Variants in ANKRD6 observed in about 807,000 individuals in gnomAD.
The protein encoded by ANKRD6 is ankyrin repeat domain 6, also known as ankyrin repeat domain-containing protein 6.
A neutral mutation model predicts 82.3 loss-of-function variants in ANKRD6; 56 were observed. The ratio of observed to expected loss-of-function variants is 0.68; its 90% CI spans 0.55 to 0.85. ANKRD6 has a LOEUF of 0.85. Among genes scored for constraint, ANKRD6 ranks in the 40% least tolerant of loss-of-function variants. ANKRD6 has a pLI of 0.00. For synonymous variants in ANKRD6, 347 were observed against 352.1 expected (o/e 0.99, Z 0.16); for missense variants, 852 against 907.6 (o/e 0.94, Z 0.79).
chr6:89,442,145 G>C (rs1266202717), intron 1 of ANKRD6, among the ~76,000 whole-genome samples: 1 of 151,934 alleles, frequency 6.6e-6, no homozygotes, highest in South Asian at 2.1e-4. Context: ...ACACGCATGC[G>C]CTCCCACACC....
In ANKRD6 at chr6:89,437,282, G is replaced by T. The variant is rs9451225; in HGVS notation, c.-144+3907G>T. ...CATATCTTTCCCCCACCAGTTACAA[G>T]AGGCTTTCTTTCTGCTCAGACCCCA... On this transcript the variant is annotated intron_variant, in intron 1 of 15. Coordinates refer to ENST00000339746, the MANE Select transcript of ANKRD6 (RefSeq NM_001242809.2). 1.7e-3 allele frequency among the ~76,000 whole-genome samples: 254 copies of T among 152,128 alleles called. 2 individuals carry two copies. Among genetic ancestry groups the T allele is most frequent in the African/African-American group, 5.7e-3 (236 of 41,498 alleles).
intron 1 of ANKRD6, among the ~76,000 whole-genome samples, chr6:89,546,466 TTGATC>T (rs1785110207): frequency 6.6e-6 from 1 of 151,938 alleles, no homozygotes; most frequent in Non-Finnish European, 1.5e-5. Context: ...GATTGATCGA[TTGATC>T]GATTGATTTT....
chr6:89,608,382 A>ATATATATATATATATATATG (rs1181597705), intron 5 of ANKRD6, among the ~76,000 whole-genome samples: 1 of 104,728 alleles, frequency 9.5e-6, no homozygotes, highest in African/African-American at 4.4e-5. Flanking sequence ...ATATATATAT[A>ATATATATATATATATATATG]TATGTACAAT....
At chr6:89,581,495 C>G (rs1450190484) in intron 2 of ANKRD6, 3 of 152,458 alleles carry the variant, frequency 2.0e-5, no homozygotes, top group African/African-American at 7.2e-5. Flanking sequence ...TGCTGCCTCT[C>G]CTGGCCCTTC....
At chr6:89,594,165 C>T (rs1033506079) in intron 2 of ANKRD6, among the ~76,000 whole-genome samples, 19 of 152,274 alleles carry the variant, frequency 1.2e-4, no homozygotes, top group African/African-American at 4.3e-4. Context: ...TAGTTGAAAA[C>T]TATTAGGCCA....
rs1562490939 is a variant in ANKRD6 at position 89,433,870 on chromosome 6, G to C, written c.-144+495G>C. 6.6e-6 allele frequency among the ~76,000 whole-genome samples: 1 copy of C among 152,232 alleles called. No individual in the cohort carries two copies. The highest frequency in any genetic ancestry group is 1.5e-5 in the Non-Finnish European group (1 of 68,040). On this transcript the variant is annotated intron_variant, in intron 1 of 15. Coordinates refer to ENST00000339746, the MANE Select transcript of ANKRD6 (RefSeq NM_001242809.2). This position sits in a 1 kb window ranked among gnomAD's most constrained non-coding sequence, Gnocchi z 4.3. Reference sequence around the variant, plus strand: ...GCCGATACCCCTCAGGAGCCCCATCGGCGAAGCCTCAGCAAGTGGCATCTC... The same window carrying C: ...GCCGATACCCCTCAGGAGCCCCATCCGCGAAGCCTCAGCAAGTGGCATCTC...
chr6:89,455,295 G>A (rs1773368862), intron 1 of ANKRD6, among the ~76,000 whole-genome samples: 1 of 152,110 alleles, frequency 6.6e-6, no homozygotes, highest in Non-Finnish European at 1.5e-5. Context: ...AGGAAGCATG[G>A]TGCTGGCATC....
At chr6:89,565,706 A>C (rs1346316486) in intron 1 of ANKRD6, among the ~76,000 whole-genome samples, 2 of 152,218 alleles carry the variant, frequency 1.3e-5, no homozygotes, top group Non-Finnish European at 2.9e-5. Context: ...CTGGGAACAA[A>C]TGTAAAGGAT....
chr6:89,601,152 T>A (rs186961520), intron 3 of ANKRD6, among the ~76,000 whole-genome samples: 10 of 152,292 alleles, frequency 6.6e-5, no homozygotes, highest in African/African-American at 1.9e-4. Context: ...ACAGCCTACC[T>A]CCTGCAGCCA....
At chr6:89,442,019 G>A (rs143493835) in intron 1 of ANKRD6, among the ~76,000 whole-genome samples, 2 of 151,284 alleles carry the variant, frequency 1.3e-5, no homozygotes, top group East Asian at 3.9e-4. Flanking sequence ...ATTTTTTTGA[G>A]ACAGGGTCTC....
rs1217470691 is a variant in ANKRD6 at position 89,473,964 on chromosome 6, G to T, written c.-144+40589G>T. On this transcript the variant is annotated intron_variant, in intron 1 of 15. Coordinates refer to ENST00000339746, the MANE Select transcript of ANKRD6 (RefSeq NM_001242809.2). ...CCACTGCACTCAAGCCTGGACAACA[G>T]AGTGAGACCCTGTCTCAAAACAAAA... Among the ~76,000 whole-genome samples, 5 of 152,298 alleles carry T rather than the reference G, an allele frequency of 3.3e-5. No individual in the cohort carries two copies. The South Asian group carries it at 1.0e-3, about 32-fold the overall frequency.
chr6:89,507,636 T>C (rs764479290), intron 1 of ANKRD6, among the ~76,000 whole-genome samples: 13 of 152,194 alleles, frequency 8.5e-5, no homozygotes, highest in Non-Finnish European at 1.8e-4. Flanking sequence ...ACCTTTGATA[T>C]TATGGTAATT....
chr6:89,608,368 C>CACACACACACACACACTA lies in ANKRD6; in HGVS notation c.417+2263_417+2264insACACACACACACACACTA. On this transcript the variant is annotated intron_variant, in intron 5 of 15. Transcript: ENST00000339746. ...ACCCTCCCTAATACACACACACACA[C>CACACACACACACACACTA]TATATATATATATATATGTACAATT... Among the ~76,000 whole-genome samples the CACACACACACACACACTA allele has an allele frequency of 2.0e-3, 258 of 130,810 alleles. 3 individuals carry two copies. The highest frequency in any genetic ancestry group is 7.6e-3 in the African/African-American group (248 of 32,812). The allele number at this position is 130,810 out of a possible 152,430, so 85.8% of individuals were successfully genotyped here. A position where few individuals can be genotyped will look rare whatever the true frequency, so the allele number is the denominator to read the frequency against.
At chr6:89,514,101 G>C (rs979282887) in intron 1 of ANKRD6, among the ~76,000 whole-genome samples, 9 of 152,286 alleles carry the variant, frequency 5.9e-5, no homozygotes, top group African/African-American at 2.2e-4. Flanking sequence ...TGAAGGGCCG[G>C]GTGCGGTAGA....
At chr6:89,603,229 T>C in intron 4 of ANKRD6, 102 bp downstream of exon 4, 1 of 904,610 alleles carries the variant, frequency 1.1e-6, no homozygotes, top group South Asian at 1.7e-5. Flanking sequence ...CCTCGAGGTA[T>C]TATAATTCCT....
intron 1 of ANKRD6, among the ~76,000 whole-genome samples, chr6:89,450,438 A>C (rs903619864): frequency 2.0e-4 from 30 of 152,210 alleles, no homozygotes; most frequent in African/African-American, 7.2e-4. Flanking sequence ...GCTTGAGACA[A>C]GGCCCTCCAC....
chr6:89,622,303 C>T (rs1162167630), intron 10 of ANKRD6, among the ~76,000 whole-genome samples: 2 of 152,218 alleles, frequency 1.3e-5, no homozygotes, highest in East Asian at 1.9e-4. Context: ...TGGCCTTTGC[C>T]CATGTCCTGC....
chr6:89,616,522 G>A (rs1391128594), intron 7 of ANKRD6, 37 bp from the exon 8 acceptor site: 1 of 1,597,036 alleles, frequency 6.3e-7, no homozygotes, highest in Admixed American at 1.7e-5. Context: ...TAGGCCATGA[G>A]CAGATGAGGT....
At chr6:89,496,180 C>T (rs539210453) in intron 1 of ANKRD6, among the ~76,000 whole-genome samples, 1 of 151,610 alleles carries the variant, frequency 6.6e-6, no homozygotes, top group African/African-American at 2.4e-5. Flanking sequence ...CACACTGCCC[C>T]CCCCCCCACC....
Sources: gnomAD v4.1 joint callset for allele counts (sites outside exome capture counted in the v4.1 genomes callset) on GRCh38, gnomAD v4.1.1 for gene constraint, Gnocchi (gnomAD v3.1) non-coding constraint, MANE v1.5 for transcripts, NCBI Gene and HGNC (gene_info 2026-07-23, HGNC 2026-07-21) for gene names.